Variants in MAF observed in about 807,000 individuals in gnomAD.
The protein encoded by MAF is transcription factor Maf.
Under a neutral mutation model 22.0 loss-of-function variants are expected in MAF, and 10 were observed. That is an observed-to-expected ratio of 0.45 (90% CI 0.28 to 0.77). MAF has a LOEUF of 0.77. Ranked by LOEUF, MAF falls within the 30% of genes least tolerant of loss-of-function variation. The probability of loss-of-function intolerance (pLI) is 0.12; values close to 1 mark genes in which losing one functional copy is unlikely to be tolerated. For synonymous variants in MAF, 337 were observed against 255.8 expected, an observed-to-expected ratio of 1.32 and a Z score of -3.03; for missense variants, 544 against 548.4, an observed-to-expected ratio of 0.99 and a Z score of 0.08.
chr16:79,324,191 C>G, the MAF span, among the ~76,000 whole-genome samples: 1 of 152,118 alleles, frequency 6.6e-6, no homozygotes, highest in Admixed American at 6.5e-5. Flanking sequence ...ATGAGTAGCG[C>G]CCATTTCATA....
the MAF span, among the ~76,000 whole-genome samples, chr16:79,217,986 T>TAAAAAAAAAAA: frequency 1.7e-4 from 9 of 52,124 alleles, 1 homozygote; most frequent in Non-Finnish European, 2.0e-4. Context: ...GAAGCTTATG[T>TAAAAAAAAAAA]AAAAAAAAAA....
At chr16:79,326,634 A>C in the MAF span, among the ~76,000 whole-genome samples, 1 of 152,244 alleles carries the variant, frequency 6.6e-6, no homozygotes, top group Non-Finnish European at 1.5e-5. Flanking sequence ...TCTGTAGATC[A>C]CATACGGTTT....
chr16:79,422,372 T>C, the MAF span, among the ~76,000 whole-genome samples: 2 of 152,182 alleles, frequency 1.3e-5, no homozygotes, highest in Non-Finnish European at 2.9e-5. Context: ...TCCAATAAAA[T>C]GAAATTCAAA....
At chr16:79,213,184 T>C in the MAF span, among the ~76,000 whole-genome samples, 16,021 of 152,174 alleles carry the variant, frequency 0.11, 1,444 homozygotes, top group African/African-American at 0.24. Flanking sequence ...TCTGCTGAAA[T>C]ACCAGGAAGG....
At chr16:79,564,050 G>C in the MAF span, among the ~76,000 whole-genome samples, 1 of 152,186 alleles carries the variant, frequency 6.6e-6, no homozygotes, top group African/African-American at 2.4e-5. Flanking sequence ...AGGCAGGTGG[G>C]ATGCATTTCA....
the MAF span, among the ~76,000 whole-genome samples, chr16:79,490,129 G>C: frequency 6.6e-6 from 1 of 152,204 alleles, no homozygotes; most frequent in Non-Finnish European, 1.5e-5. Context: ...AAAGCAGATA[G>C]AGTGAAAAGA....
At chr16:79,245,055 C>T in the MAF span, among the ~76,000 whole-genome samples, 1 of 151,978 alleles carries the variant, frequency 6.6e-6, no homozygotes, top group Admixed American at 6.6e-5. Context: ...ACACTCTATA[C>T]AAAAATTAAT....
chr16:79,343,182 G>A, the MAF span, among the ~76,000 whole-genome samples: 152,014 of 152,152 alleles, frequency 1, 75,938 homozygotes, highest in Non-Finnish European at 1. Flanking sequence ...AATGTGTCCT[G>A]GTGCCACAAA....
At chr16:79,407,068 G>A in the MAF span, among the ~76,000 whole-genome samples, 2 of 152,212 alleles carry the variant, frequency 1.3e-5, no homozygotes, top group African/African-American at 4.8e-5. Flanking sequence ...TCCAGCATGT[G>A]CTAATATGCG....
chr16:79,543,000 G>C, the MAF span, among the ~76,000 whole-genome samples: 1 of 152,150 alleles, frequency 6.6e-6, no homozygotes, highest in African/African-American at 2.4e-5. Flanking sequence ...TGTATGTGCA[G>C]TTATGTTTTC....
At chr16:79,532,138 G>C in the MAF span, among the ~76,000 whole-genome samples, 1 of 152,042 alleles carries the variant, frequency 6.6e-6, no homozygotes, top group Non-Finnish European at 1.5e-5. Flanking sequence ...AATTGAACTG[G>C]GCATCTTGTG....
At chr16:79,531,572 G>C in the MAF span, among the ~76,000 whole-genome samples, 5 of 152,130 alleles carry the variant, frequency 3.3e-5, no homozygotes, top group African/African-American at 9.7e-5. Context: ...ATGGGAGACT[G>C]TGACAGATCA....
the MAF span, among the ~76,000 whole-genome samples, chr16:79,406,984 G>A: frequency 6.6e-6 from 1 of 152,144 alleles, no homozygotes; most frequent in Non-Finnish European, 1.5e-5. Flanking sequence ...GAGCTGCAGG[G>A]ACAGTAGGCT....
chr16:79,357,873 T>C, the MAF span, among the ~76,000 whole-genome samples: 10 of 152,360 alleles, frequency 6.6e-5, no homozygotes, highest in East Asian at 1.9e-3. Context: ...CCCCCTTGCA[T>C]GGGTCTGCTG....
At chr16:79,521,034 G>C in the MAF span, among the ~76,000 whole-genome samples, 1 of 152,198 alleles carries the variant, frequency 6.6e-6, no homozygotes, top group Non-Finnish European at 1.5e-5. Context: ...GGCTATATTA[G>C]AATTTCTTTT....
chr16:79,502,255 G>T, the MAF span, among the ~76,000 whole-genome samples: 1 of 152,118 alleles, frequency 6.6e-6, no homozygotes, highest in African/African-American at 2.4e-5. Context: ...CAAGCCTGCT[G>T]GCCTCAGGTT....
At chr16:79,547,477 T>TAC in the MAF span, among the ~76,000 whole-genome samples, 1 of 151,994 alleles carries the variant, frequency 6.6e-6, no homozygotes, top group Admixed American at 6.6e-5. Flanking sequence ...TCCAAATTTA[T>TAC]ACACACACAC....
the MAF span, among the ~76,000 whole-genome samples, chr16:79,498,223 G>A: frequency 2.6e-5 from 4 of 152,148 alleles, no homozygotes; most frequent in African/African-American, 9.7e-5. Flanking sequence ...AGATCAAGAG[G>A]CAGCAAACTT....
intron 1 of MAF, among the ~76,000 whole-genome samples, chr16:79,587,043 A>G (rs563295830): frequency 6.6e-6 from 1 of 152,296 alleles, no homozygotes; most frequent in African/African-American, 2.4e-5. Flanking sequence ...AGAACATATA[A>G]TCTTTCTTTA....
Sources: allele counts gnomAD v4.1 joint callset (sites outside exome capture counted in the v4.1 genomes callset), GRCh38; gene constraint gnomAD v4.1.1; transcripts MANE v1.5; gene names NCBI Gene and HGNC (gene_info 2026-07-23, HGNC 2026-07-21).